SRGAP2: variants seen among roughly 807,000 people sequenced by gnomAD.
The protein encoded by SRGAP2 is SLIT-ROBO Rho GTPase activating protein 2, also known as SLIT-ROBO Rho GTPase-activating protein 2.
SRGAP2 carries 15 observed loss-of-function variants against 57.2 expected under a neutral mutation model. The observed-to-expected ratio is 0.26, with a 90% CI of 0.18 to 0.40. The LOEUF is 0.40. SRGAP2 is among the 10% of genes least tolerant of loss of function. The probability of loss-of-function intolerance (pLI) is 1.00; values close to 1 mark genes in which losing one functional copy is unlikely to be tolerated. For synonymous variants in SRGAP2, 249 were observed against 248.0 expected, an observed-to-expected ratio of 1.00 and a Z score of -0.04; for missense variants, 520 against 669.6, an observed-to-expected ratio of 0.78 and a Z score of 2.47.
chr1:206,419,487 G>A (rs1660102801), intron 12 of SRGAP2, 87 bp downstream of exon 12: 1 of 772,704 alleles, frequency 1.3e-6, no homozygotes, highest in Non-Finnish European at 2.4e-6. Context: ...AAGGAGTTGA[G>A]TTGTAAAGGC....
intron 2 of SRGAP2, among the ~76,000 whole-genome samples, chr1:206,253,163 T>C (rs1202556410): frequency 1.9e-4 from 28 of 151,302 alleles, no homozygotes; most frequent in African/African-American, 6.8e-4. Flanking sequence ...AGCTGGTCTG[T>C]CGAGGAGAAC....
chr1:206,394,684 C>G (rs369015048), intron 7 of SRGAP2, among the ~76,000 whole-genome samples: 1 of 151,152 alleles, frequency 6.6e-6, no homozygotes, highest in Non-Finnish European at 1.5e-5. Flanking sequence ...AGGAAAGCGG[C>G]TAATAGGCAC....
intron 2 of SRGAP2, among the ~76,000 whole-genome samples, chr1:206,298,779 A>G (rs1453271018): frequency 6.6e-6 from 1 of 152,182 alleles, no homozygotes; most frequent in African/African-American, 2.4e-5. Flanking sequence ...GTTAGAGGAC[A>G]TTGGATTTTT....
intron 12 of SRGAP2, among the ~76,000 whole-genome samples, chr1:206,420,240 T>C (rs1288754771): frequency 6.6e-6 from 1 of 152,214 alleles, no homozygotes; most frequent in Non-Finnish European, 1.5e-5. Flanking sequence ...TAGAGATAGC[T>C]TCATTTGGCT....
chr1:206,333,754 C>T (rs1415312432), intron 3 of SRGAP2, among the ~76,000 whole-genome samples: 2 of 152,152 alleles, frequency 1.3e-5, no homozygotes, highest in African/African-American at 4.8e-5. Context: ...GTGACTTGCC[C>T]AAAGTTACCT....
rs1162056052 is a variant in SRGAP2, at chr1:206,228,899, T to TG, written c.67+22866dup. ...GCCATTTTCCAATCTCTTATCTTGTTGGGGTGTGTTAGAAAAATATACCAA... is the reference window on the plus strand; with the variant it reads ...GCCATTTTCCAATCTCTTATCTTGTTGGGGGTGTGTTAGAAAAATATACCAA... On this transcript the variant is annotated intron_variant, in intron 2 of 22. Transcript: ENST00000573034. 2.0e-4 allele frequency among the ~76,000 whole-genome samples: 30 copies of TG among 150,398 alleles called. 1 individual carries two copies. Among genetic ancestry groups the TG allele is most frequent in the Non-Finnish European group, 4.1e-4 (28 of 67,708 alleles).
At position 206,458,735 on chromosome 1, in the gene SRGAP2, C is replaced by T. The variant is rs375839614; in HGVS notation, c.2620C>T (p.Arg874Cys). The change falls in exon 22 of 23, where the codon CGC (arginine) becomes TGC (cysteine). Residue 874 changes from arginine (R) to cysteine (C), a missense_variant. Physicochemically the swap from Arg to Cys is radical, Grantham distance 180 (BLOSUM62 -3). This residue lies in a region of SRGAP2 where 478 missense variants were observed against 373.6 expected (regional missense o/e 1.28). Transcript: ENST00000573034. ...SSSPGVGASC[R>C]PSSQPIMSQS... Reference sequence around the variant, plus strand: ...CTCCCCAGGGGTGGGGGCTAGCTGCCGCCCATCCTCCCAGCCCATCATGAG... The same window carrying T: ...CTCCCCAGGGGTGGGGGCTAGCTGCTGCCCATCCTCCCAGCCCATCATGAG... 6.4e-6 allele frequency: 5 copies of T among 780,494 alleles called. No homozygotes were observed. Among genetic ancestry groups the T allele is most frequent in the Admixed American group, 1.7e-5 (1 of 58,986 alleles). The allele number at this position is 780,494 out of a possible 1,614,324, so 48.3% of individuals were successfully genotyped here.
At chr1:206,217,647 G>A (rs1553303685) in intron 2 of SRGAP2, among the ~76,000 whole-genome samples, 1 of 148,552 alleles carries the variant, frequency 6.7e-6, no homozygotes, top group Admixed American at 6.7e-5. Context: ...AGTCCTGTGA[G>A]GTAGCTGCTA....
At chr1:206,452,730 C>G (rs1356745891) in intron 19 of SRGAP2, among the ~76,000 whole-genome samples, 1 of 151,658 alleles carries the variant, frequency 6.6e-6, no homozygotes, top group African/African-American at 2.4e-5. Flanking sequence ...ATTAATAATA[C>G]AAAAAATTAG....
At chr1:206,304,119 CT>C in intron 3 of SRGAP2, among the ~76,000 whole-genome samples, 2 of 152,018 alleles carry the variant, frequency 1.3e-5, no homozygotes, top group South Asian at 4.2e-4. Context: ...TTTTATACAA[CT>C]GGCCCATTCA....
intron 2 of SRGAP2, among the ~76,000 whole-genome samples, chr1:206,258,216 G>A (rs1473738821): frequency 1.3e-5 from 2 of 151,778 alleles, no homozygotes; most frequent in Non-Finnish European, 2.9e-5. Flanking sequence ...CTATTTTTAT[G>A]AATAAGCCAT....
chr1:206,452,861 G>A (rs996361847), intron 19 of SRGAP2, among the ~76,000 whole-genome samples: 2 of 131,046 alleles, frequency 1.5e-5, no homozygotes, highest in South Asian at 2.5e-4. Flanking sequence ...ACTCCAGCCT[G>A]AGCGACAGAG....
chr1:206,265,460 T>C (rs1430076545), intron 2 of SRGAP2, among the ~76,000 whole-genome samples: 1 of 43,800 alleles, frequency 2.3e-5, no homozygotes, highest in Non-Finnish European at 4.6e-5. Flanking sequence ...AAAATTCAAG[T>C]TGGGGATTTA....
intron 4 of SRGAP2, among the ~76,000 whole-genome samples, chr1:206,347,192 C>T (rs1675689875): frequency 6.7e-6 from 1 of 149,256 alleles, no homozygotes; most frequent in African/African-American, 2.5e-5. Flanking sequence ...TTTGAGGCTG[C>T]AGTGATCTAT....
chr1:206,418,888 C>CTCTGTGTGTGTG (rs1553363092), intron 11 of SRGAP2, among the ~76,000 whole-genome samples: 20 of 136,644 alleles, frequency 1.5e-4, no homozygotes, highest in East Asian at 6.4e-4. Flanking sequence ...CCAACTCTCT[C>CTCTGTGTGTGTG]TGTGTGTGTG....
chr1:206,424,629 T>A (rs551287796), intron 13 of SRGAP2, among the ~76,000 whole-genome samples: 77 of 152,358 alleles, frequency 5.1e-4, no homozygotes, highest in African/African-American at 1.8e-3. Context: ...TACTCCAGCC[T>A]GGGTGACAAG....
At chr1:206,453,064 T>G (rs1663474690) in intron 19 of SRGAP2, 136 bp from the exon 20 acceptor site, 1 of 441,680 alleles carries the variant, frequency 2.3e-6, no homozygotes, top group Admixed American at 4.3e-5. Context: ...ACTTGCTTTA[T>G]AGATCATCCA....
intron 4 of SRGAP2, among the ~76,000 whole-genome samples, chr1:206,346,916 G>A (rs1284560410): frequency 6.6e-6 from 1 of 151,616 alleles, no homozygotes; most frequent in Non-Finnish European, 1.5e-5. Context: ...TGTCATCATC[G>A]CTGTTTTATG....
intron 15 of SRGAP2, 102 bp from the exon 16 acceptor site, chr1:206,437,862 T>C: frequency 1.4e-6 from 1 of 728,832 alleles, no homozygotes. Flanking sequence ...AGCTGATGGA[T>C]TGGGACCAGG....
Sources: allele counts gnomAD v4.1 joint callset (sites outside exome capture counted in the v4.1 genomes callset), GRCh38; gene constraint gnomAD v4.1.1; regional missense constraint gnomAD v4.1.1; transcripts MANE v1.5; gene names NCBI Gene and HGNC (gene_info 2026-07-23, HGNC 2026-07-21).